Variants in TMOD3 observed in about 807,000 individuals in gnomAD.
TMOD3 encodes tropomodulin 3.
TMOD3 carries 20 observed loss-of-function variants against 39.2 expected under a neutral mutation model. The ratio of observed to expected loss-of-function variants is 0.51; its 90% CI spans 0.36 to 0.74. TMOD3 has a LOEUF of 0.74. TMOD3 is among the 30% of genes least tolerant of loss of function. The pLI, the probability that TMOD3 is intolerant of heterozygous loss-of-function variation, is 0.00. For missense variants in TMOD3, 381 were observed against 412.8 expected (o/e 0.92, Z 0.67); for synonymous variants, 143 against 145.8 (o/e 0.98, Z 0.14).
chr15:51,891,517 A>G (rs2056593442), intron 5 of TMOD3, among the ~76,000 whole-genome samples: 1 of 152,112 alleles, frequency 6.6e-6, no homozygotes, highest in Admixed American at 6.5e-5. Flanking sequence ...GAGATTGATC[A>G]CAGGGTTCAA....
At chr15:51,837,780 C>G (rs2056293848) in intron 1 of TMOD3, among the ~76,000 whole-genome samples, 1 of 152,154 alleles carries the variant, frequency 6.6e-6, no homozygotes, top group African/African-American at 2.4e-5. Context: ...TCCTGCTTTC[C>G]TTAGACATTG....
chr15:51,895,099 A>C (rs1376230798), intron 6 of TMOD3, among the ~76,000 whole-genome samples: 2 of 152,110 alleles, frequency 1.3e-5, no homozygotes, highest in South Asian at 4.2e-4. Flanking sequence ...GGAGGAGAGC[A>C]TCTGGAAATC....
chr15:51,876,905 G>A (rs1305208594), intron 3 of TMOD3, among the ~76,000 whole-genome samples: 1 of 151,974 alleles, frequency 6.6e-6, no homozygotes, highest in Non-Finnish European at 1.5e-5. Context: ...TACTAAAAAT[G>A]AAAAAAAGTT....
At chr15:51,886,566 T>C (rs1460214014) in intron 3 of TMOD3, among the ~76,000 whole-genome samples, 4 of 152,142 alleles carry the variant, frequency 2.6e-5, no homozygotes, top group Non-Finnish European at 4.4e-5. Flanking sequence ...CTGGGCAGGC[T>C]GAGGCAGGAG....
intron 3 of TMOD3, among the ~76,000 whole-genome samples, chr15:51,877,006 T>C (rs905884829): frequency 7.9e-5 from 12 of 152,192 alleles, no homozygotes; most frequent in Admixed American, 7.9e-4. Context: ...ATTGCTGCAG[T>C]GATCCATGCT....
intron 4 of TMOD3, among the ~76,000 whole-genome samples, chr15:51,888,129 A>G (rs888256066): frequency 2.6e-5 from 4 of 152,186 alleles, no homozygotes; most frequent in African/African-American, 4.8e-5. Flanking sequence ...GTCCTGAGCT[A>G]TACTCACCAC....
At chr15:51,903,031 G>A (rs895556703) in intron 9 of TMOD3, among the ~76,000 whole-genome samples, 2 of 152,064 alleles carry the variant, frequency 1.3e-5, no homozygotes, top group African/African-American at 4.8e-5. Context: ...CGATCCACCC[G>A]CCTCGGCCTC....
intron 3 of TMOD3, 54 bp downstream of exon 3, chr15:51,869,427 A>AT: frequency 6.4e-7 from 1 of 1,554,454 alleles, no homozygotes; most frequent in Non-Finnish European, 8.8e-7. Flanking sequence ...TTTTCTTTTT[A>AT]TAGGTGGGTG....
At chr15:51,851,144 G>T (rs1420383289) in intron 1 of TMOD3, among the ~76,000 whole-genome samples, 2 of 152,134 alleles carry the variant, frequency 1.3e-5, no homozygotes, top group Non-Finnish European at 2.9e-5. Flanking sequence ...GACTGCTGGG[G>T]GGTGATAACC....
chr15:51,867,933 C>G (rs1484280321), intron 2 of TMOD3, among the ~76,000 whole-genome samples: 1 of 152,194 alleles, frequency 6.6e-6, no homozygotes, highest in Non-Finnish European at 1.5e-5. Flanking sequence ...ATCTCTAAGT[C>G]AGTCCATGCG....
chr15:51,863,785 T>C (rs1484641517), intron 2 of TMOD3, among the ~76,000 whole-genome samples: 1 of 152,204 alleles, frequency 6.6e-6, no homozygotes, highest in African/African-American at 2.4e-5. Context: ...TTTATAACGT[T>C]GTTGTTACTG....
intron 3 of TMOD3, among the ~76,000 whole-genome samples, chr15:51,876,242 C>T (rs780653372): frequency 6.6e-6 from 1 of 152,164 alleles, no homozygotes; most frequent in Admixed American, 6.5e-5. Flanking sequence ...GATCACAGCT[C>T]ACTGCAGCCT....
intron 8 of TMOD3, chr15:51,901,572 A>AGTGTGTGTGTGTGTGTGT (rs57976840): frequency 2.8e-4 from 52 of 184,890 alleles, no homozygotes; most frequent in South Asian, 2.3e-3. Context: ...TAAAAAGTTT[A>AGTGTGTGTGTGTGTGTGT]GTGTGTGTGT....
chr15:51,906,625 G>A (rs1241001170), intron 9 of TMOD3, among the ~76,000 whole-genome samples: 2 of 152,110 alleles, frequency 1.3e-5, no homozygotes, highest in Non-Finnish European at 2.9e-5. Flanking sequence ...ACTCTGTCCT[G>A]TAGATCTTTT....
intron 1 of TMOD3, chr15:51,860,252 A>G (rs2056410365): frequency 5.9e-6 from 3 of 512,700 alleles, no homozygotes; most frequent in Admixed American, 2.0e-5. Context: ...ATCGCTGTGC[A>G]GTTGAAAGCA....
chr15:51,888,416 A>T (rs185833315), intron 4 of TMOD3, among the ~76,000 whole-genome samples: 11 of 152,346 alleles, frequency 7.2e-5, no homozygotes, highest in Admixed American at 5.9e-4. Context: ...TTACGGGTTG[A>T]GGGACTGAAG....
At chr15:51,886,721 G>A (rs2056566418) in intron 3 of TMOD3, among the ~76,000 whole-genome samples, 1 of 151,258 alleles carries the variant, frequency 6.6e-6, no homozygotes, top group African/African-American at 2.5e-5. Flanking sequence ...TGGAGAGAGG[G>A]AGAGGGAGAG....
intron 9 of TMOD3, 142 bp downstream of exon 9, chr15:51,902,178 G>A: frequency 1.1e-6 from 1 of 928,686 alleles, no homozygotes; most frequent in Non-Finnish European, 1.6e-6. Flanking sequence ...TTTATATACT[G>A]ATTGAATTCA....
At chr15:51,868,201 A>T (rs1676662711) in intron 2 of TMOD3, among the ~76,000 whole-genome samples, 1 of 152,238 alleles carries the variant, frequency 6.6e-6, no homozygotes, top group Non-Finnish European at 1.5e-5. Context: ...AATGGAAGTC[A>T]TGAAGGAATA....
Sources: allele counts gnomAD v4.1 joint callset (sites outside exome capture counted in the v4.1 genomes callset), GRCh38; gene constraint gnomAD v4.1.1; transcripts MANE v1.5; gene names NCBI Gene and HGNC (gene_info 2026-07-23, HGNC 2026-07-21).